The following SLC22A3 variants were observed in gnomAD, a reference collection of about 807,000 sequenced individuals.
SLC22A3 encodes solute carrier family 22 member 3, also known as EMT organic cation transporter 3.
In SLC22A3, 51 loss-of-function variants were observed where a neutral mutation model predicts 59.1. The ratio of observed to expected loss-of-function variants is 0.86; its 90% CI spans 0.69 to 1.09. The LOEUF (loss-of-function observed/expected upper bound fraction) is 1.09, where lower values mean the gene tolerates loss of function less well. Ranked by LOEUF, SLC22A3 falls within the 50% of genes least tolerant of loss-of-function variation. The pLI is 0.00. For missense variants in SLC22A3, 711 were observed against 726.3 expected (o/e 0.98, Z 0.24); for synonymous variants, 325 against 292.0 (o/e 1.11, Z -1.15).
intron 1 of SLC22A3, among the ~76,000 whole-genome samples, chr6:160,391,850 T>G (rs1329008164): frequency 6.6e-6 from 1 of 152,196 alleles, no homozygotes; most frequent in Non-Finnish European, 1.5e-5. Context: ...TCAAACAGAT[T>G]TAATACTTTC....
chr6:160,404,141 G>A (rs1786905995), intron 2 of SLC22A3, among the ~76,000 whole-genome samples: 1 of 151,700 alleles, frequency 6.6e-6, no homozygotes, highest in Non-Finnish European at 1.5e-5. Context: ...AACTGTCTTT[G>A]TTCACAGATG....
At chr6:160,373,960 T>C (rs1368063308) in intron 1 of SLC22A3, among the ~76,000 whole-genome samples, 2 of 152,188 alleles carry the variant, frequency 1.3e-5, no homozygotes, top group Admixed American at 6.5e-5. Context: ...GGGGTGGGAT[T>C]CACTGAGTTA....
At chr6:160,403,240 A>T (rs1249362485) in intron 2 of SLC22A3, among the ~76,000 whole-genome samples, 2 of 151,784 alleles carry the variant, frequency 1.3e-5, no homozygotes, top group African/African-American at 2.4e-5. Flanking sequence ...CATGGACATT[A>T]ACAGGATAAT....
chr6:160,395,283 C>A (rs974794379), intron 1 of SLC22A3, among the ~76,000 whole-genome samples: 5 of 152,060 alleles, frequency 3.3e-5, no homozygotes, highest in Non-Finnish European at 7.4e-5. Flanking sequence ...CATTTTAATT[C>A]ACATAGTTCA....
intron 7 of SLC22A3, 94 bp downstream of exon 7, chr6:160,437,305 T>C: frequency 2.4e-6 from 3 of 1,248,392 alleles, no homozygotes; most frequent in South Asian, 2.4e-5. Context: ...TTAGGAAATG[T>C]GCAATGGAAT....
Position 160,442,815 on chromosome 6 carries a change from T to C in SLC22A3, c.1343T>C (p.Met448Thr), listed in dbSNP as rs1454444308. ...ACATTGGGAAGACTAGGGATAACCA[T>C]GGCCTTTGAAATTGTTTATTTGGTA... ...VATLGRLGIT[M>T]AFEIVYLVNS... is the part of the protein sequence containing the mutation. The change falls in exon 8 of 11, where the codon ATG becomes ACG. Residue 448 changes from methionine to threonine, a missense_variant. Met to Thr is a moderately conservative substitution (Grantham distance 81, BLOSUM62 -1). Transcript: ENST00000275300. 6.2e-7 allele frequency: 1 copy of C among 1,614,126 alleles called. No individual in the cohort carries two copies. Among genetic ancestry groups the C allele is most frequent in the Admixed American group, 1.7e-5 (1 of 60,018 alleles).
intron 1 of SLC22A3, among the ~76,000 whole-genome samples, chr6:160,352,981 T>C (rs1784711306): frequency 6.6e-6 from 1 of 152,128 alleles, no homozygotes; most frequent in Admixed American, 6.5e-5. Context: ...CCACCGCGCC[T>C]GGCTAATTTT....
intron 9 of SLC22A3, among the ~76,000 whole-genome samples, chr6:160,445,237 G>T (rs193145567): frequency 6.6e-6 from 1 of 152,208 alleles, no homozygotes; most frequent in Admixed American, 6.5e-5. Flanking sequence ...AGGAAGCAAT[G>T]TCTAGGCCAA....
chr6:160,368,433 C>T (rs1785281972), intron 1 of SLC22A3, among the ~76,000 whole-genome samples: 1 of 152,180 alleles, frequency 6.6e-6, no homozygotes, highest in South Asian at 2.1e-4. Context: ...CTCTCCTTCA[C>T]TGGTGTTCTT....
At chr6:160,396,690 T>C (rs1037142103) in intron 1 of SLC22A3, among the ~76,000 whole-genome samples, 65 of 152,264 alleles carry the variant, frequency 4.3e-4, no homozygotes, top group African/African-American at 1.5e-3. Flanking sequence ...CATGGAGACA[T>C]ACATTTCCAA....
At chr6:160,422,887 T>A (rs1354879427) in intron 5 of SLC22A3, among the ~76,000 whole-genome samples, 1 of 152,152 alleles carries the variant, frequency 6.6e-6, no homozygotes, top group Non-Finnish European at 1.5e-5. Flanking sequence ...AACGTGCAGG[T>A]TTGTTACATA....
At chr6:160,445,232 G>A (rs1035647381) in intron 9 of SLC22A3, among the ~76,000 whole-genome samples, 12 of 152,222 alleles carry the variant, frequency 7.9e-5, no homozygotes, top group Admixed American at 5.9e-4. Flanking sequence ...GAGGAAGGAA[G>A]CAATGTCTAG....
chr6:160,436,072 C>T (rs1788324402), intron 5 of SLC22A3, among the ~76,000 whole-genome samples: 1 of 152,124 alleles, frequency 6.6e-6, no homozygotes, highest in Non-Finnish European at 1.5e-5. Flanking sequence ...TCAAAGAGCC[C>T]TCCATGCAGA....
At chr6:160,416,614 C>CACACCCT (rs1342804724) in intron 5 of SLC22A3, among the ~76,000 whole-genome samples, 1 of 152,142 alleles carries the variant, frequency 6.6e-6, no homozygotes, top group Non-Finnish European at 1.5e-5. Context: ...TGCTTTCTGC[C>CACACCCT]CTGGCCACAC....
At chr6:160,349,135 G>T (rs1006584409) in intron 1 of SLC22A3, 2 of 912,746 alleles carry the variant, frequency 2.2e-6, no homozygotes, top group East Asian at 1.2e-4. Flanking sequence ...AACGCCTGGC[G>T]CACGCCTGCT....
chr6:160,425,703 TG>T, intron 5 of SLC22A3: 1 of 478,548 alleles, frequency 2.1e-6, no homozygotes, highest in Non-Finnish European at 2.7e-6. Flanking sequence ...TTTTGATTGA[TG>T]TACACATAGC....
Position 160,363,694 on chromosome 6 carries a change from C to T in SLC22A3, c.429+14846C>T, listed in dbSNP as rs9365155. Among the ~76,000 whole-genome samples the T allele has an allele frequency of 4.2e-4, 64 of 152,306 alleles. No individual in the cohort carries two copies. The East Asian group carries it at 0.012, about 29-fold the overall frequency. ...AGAATGCTGCTTCTCTGTTTCCAAG[C>T]GCCTGCATGTCTTGCATCCCCTGCC... On this transcript the variant is annotated intron_variant, in intron 1 of 10. Transcript: ENST00000275300.
chr6:160,443,841 C>A, intron 9 of SLC22A3, 99 bp downstream of exon 9: 1 of 528,924 alleles, frequency 1.9e-6, no homozygotes, highest in South Asian at 4.6e-5. Context: ...TAATGATAGT[C>A]ATTTATCTTA....
At chr6:160,433,513 T>TCA (rs1788226967) in intron 5 of SLC22A3, among the ~76,000 whole-genome samples, 1 of 84,584 alleles carries the variant, frequency 1.2e-5, no homozygotes, top group African/African-American at 4.9e-5. Flanking sequence ...CAAGACCCTG[T>TCA]CTCTACTACT....
Sources: gnomAD v4.1 joint callset for allele counts (sites outside exome capture counted in the v4.1 genomes callset) on GRCh38, gnomAD v4.1.1 for gene constraint, MANE v1.5 for transcripts, NCBI Gene and HGNC (gene_info 2026-07-23, HGNC 2026-07-21) for gene names.